The following MKRN2 variants were observed in gnomAD, a reference collection of about 807,000 sequenced individuals.
MKRN2 encodes the protein makorin ring finger protein 2.
In MKRN2, 32 loss-of-function variants were observed where a neutral mutation model predicts 45.4. The ratio of observed to expected loss-of-function variants is 0.70; its 90% confidence interval spans 0.53 to 0.95. The LOEUF is 0.95. Among genes scored for constraint, MKRN2 ranks in the 40% least tolerant of loss-of-function variants. The probability of loss-of-function intolerance (pLI) is 0.00; values close to 1 mark genes in which losing one functional copy is unlikely to be tolerated. For synonymous variants in MKRN2, 206 were observed against 192.4 expected (o/e 1.07, Z -0.59); for missense variants, 526 against 536.7 (o/e 0.98, Z 0.20).
chr3:12,578,628 G>A (rs1189214614), intron 6 of MKRN2, among the ~76,000 whole-genome samples: 1 of 151,988 alleles, frequency 6.6e-6, no homozygotes, highest in African/African-American at 2.4e-5. Context: ...TTTTAAAAAA[G>A]GTAACTTAGC....
intron 5 of MKRN2, among the ~76,000 whole-genome samples, chr3:12,576,201 G>A (rs1263176989): frequency 6.8e-6 from 1 of 147,114 alleles, no homozygotes; most frequent in Non-Finnish European, 1.5e-5. Context: ...GTGTGTGTGT[G>A]TGTGTGTGTG....
intron 3 of MKRN2, 37 bp downstream of exon 3, chr3:12,570,289 A>T (rs200183583): frequency 6.3e-7 from 1 of 1,587,980 alleles, no homozygotes; most frequent in Non-Finnish European, 8.6e-7. Context: ...GTCTTTTTGC[A>T]TAGCACTCTT....
intron 6 of MKRN2, among the ~76,000 whole-genome samples, chr3:12,581,358 C>CA (rs2058177226): frequency 6.6e-6 from 1 of 152,168 alleles, no homozygotes. Context: ...GCCACCTTGA[C>CA]AGCACTGCGG....
chr3:12,582,717 GA>G lies in MKRN2; in HGVS notation c.*465del, dbSNP rs1198360728. ...GTATTTAGTGTGTCGTCAAAATTTT[GA>G]TTTATACAGAGCTTTCAAGAACACA... On this transcript the variant is annotated 3_prime_UTR_variant, in exon 8 of 8. Coordinates refer to ENST00000170447, the MANE Select transcript of MKRN2 (RefSeq NM_014160.5). 1 of 157,822 alleles carries G rather than the reference GA, an allele frequency of 6.3e-6. No individual in the cohort carries two copies. The highest frequency in any genetic ancestry group is 1.4e-5 in the Non-Finnish European group (1 of 71,048). The allele number at this position is 157,822 out of a possible 1,614,324, so 9.8% of individuals were successfully genotyped here. A position where few individuals can be genotyped will look rare whatever the true frequency, so the allele number is the denominator to read the frequency against.
chr3:12,558,922 G>C (rs2058009844), intron 1 of MKRN2, among the ~76,000 whole-genome samples: 1 of 152,224 alleles, frequency 6.6e-6, no homozygotes, highest in Non-Finnish European at 1.5e-5. Flanking sequence ...TCGTAAAACT[G>C]AGCCTCAGCA....
rs372538092 is a variant in MKRN2, at chr3:12,572,134, G to A, written c.403G>A (p.Asp135Asn). ...SMVSNPGSCSDPQPSPEMKPH... is the reference protein window; with the variant it reads ...SMVSNPGSCSNPQPSPEMKPH... ...GGTGAGTAATCCAGGCAGCTGCAGC[G>A]ACCCCCAGCCCAGCCCCGAGATGAA... The change falls in exon 4 of 8, where the codon GAC (aspartate) becomes AAC (asparagine). Residue 135 changes from aspartate to asparagine, a missense_variant. Transcript: ENST00000170447. 1.1e-5 allele frequency: 17 copies of A among 1,613,984 alleles called. No individual in the cohort carries two copies. The highest frequency in any genetic ancestry group is 8.8e-5 in the South Asian group (8 of 91,064).
intron 1 of MKRN2, among the ~76,000 whole-genome samples, chr3:12,558,707 A>T (rs2058007028): frequency 6.6e-6 from 1 of 152,206 alleles, no homozygotes; most frequent in Non-Finnish European, 1.5e-5. Flanking sequence ...ATACCTGGAG[A>T]TAGCTTGACT....
chr3:12,557,603 G>A (rs1344738437), intron 1 of MKRN2, among the ~76,000 whole-genome samples: 2 of 152,242 alleles, frequency 1.3e-5, no homozygotes, highest in Non-Finnish European at 1.5e-5. Flanking sequence ...GATTATGAGG[G>A]CCTCAAAGTT....
rs146072040 is a variant in MKRN2 at position 12,574,194 on chromosome 3, C to T, written c.643-598C>T. ...TTTATGCAAGTGTGTGAGGTCTCTG[C>T]GGTGAGTGTTGGCTTGTCTCAGATC... On this transcript the variant is annotated intron_variant, in intron 4 of 7. Coordinates refer to ENST00000170447, the MANE Select transcript of MKRN2 (RefSeq NM_014160.5). Among the ~76,000 whole-genome samples, 536 of 152,308 alleles carry T rather than the reference C, an allele frequency of 3.5e-3. 2 individuals are homozygous for T. Among genetic ancestry groups the T allele is most frequent in the African/African-American group, 0.012 (491 of 41,560 alleles).
chr3:12,579,667 G>A (rs955699508), intron 6 of MKRN2, among the ~76,000 whole-genome samples: 3 of 152,198 alleles, frequency 2.0e-5, no homozygotes, highest in Non-Finnish European at 4.4e-5. Context: ...AAGGACATGG[G>A]CACAGAAGGG....
Position 12,581,897 on chromosome 3 carries a change from G to A in MKRN2, c.1058G>A (p.Arg353Gln), listed in dbSNP as rs767047906. 1.7e-5 allele frequency: 27 copies of A among 1,614,048 alleles called. No homozygotes were observed. The highest frequency in any genetic ancestry group is 6.7e-5 in the African/African-American group (5 of 74,922). ...TATCGCCATGCTTACCCCGATGGGC[G>A]GCTAGCAGAGCCTGAGAAACCTCGG... is the stretch of plus-strand genomic sequence containing the variant. ...CLYRHAYPDG[R>Q]LAEPEKPRKQ... Residue 353 changes from arginine to glutamine, a missense_variant, in exon 7 of 8, where the codon CGG becomes CAG. Transcript: ENST00000170447.
chr3:12,569,195 A>G (rs1209575980), intron 2 of MKRN2, among the ~76,000 whole-genome samples, 192 bp downstream of exon 2: 3 of 151,578 alleles, frequency 2.0e-5, no homozygotes, highest in Admixed American at 6.6e-5. Flanking sequence ...AGAGTCTCTC[A>G]CTGTTGCCCA....
chr3:12,566,569 T>A (rs2058069903), intron 1 of MKRN2, among the ~76,000 whole-genome samples: 2 of 152,168 alleles, frequency 1.3e-5, no homozygotes, highest in East Asian at 1.9e-4. Flanking sequence ...TTTCAGACAT[T>A]GTATTTTTCA....
chr3:12,582,048 G>C, intron 7 of MKRN2, 68 bp from the exon 8 acceptor site: 1 of 1,609,648 alleles, frequency 6.2e-7, no homozygotes, highest in Non-Finnish European at 8.5e-7. Context: ...GCAAAAGAAC[G>C]ATCAAGGAAC....
At chr3:12,564,586 C>T (rs1009096404) in intron 1 of MKRN2, among the ~76,000 whole-genome samples, 13 of 152,220 alleles carry the variant, frequency 8.5e-5, no homozygotes, top group Admixed American at 8.5e-4. Flanking sequence ...AGCATTGTCC[C>T]TTCCCTTTTT....
intron 1 of MKRN2, 83 bp downstream of exon 1, chr3:12,557,259 A>G (rs1482673606): frequency 6.7e-7 from 1 of 1,490,042 alleles, no homozygotes; most frequent in East Asian, 2.7e-5. Context: ...TGGTCCGGGA[A>G]CCTGAGGCTA....
chr3:12,572,583 T>A (rs2058106263), intron 4 of MKRN2, among the ~76,000 whole-genome samples: 1 of 149,270 alleles, frequency 6.7e-6, no homozygotes, highest in South Asian at 2.1e-4. Flanking sequence ...TTTCCTGCAG[T>A]CATTTTGCCA....
intron 6 of MKRN2, among the ~76,000 whole-genome samples, chr3:12,580,557 A>G (rs1233822276): frequency 1.3e-5 from 2 of 151,726 alleles, no homozygotes; most frequent in African/African-American, 4.8e-5. Context: ...GGTTCAAGCA[A>G]TTCTCCTGCC....
intron 5 of MKRN2, among the ~76,000 whole-genome samples, chr3:12,575,626 G>C (rs2058129581): frequency 1.3e-5 from 2 of 152,158 alleles, no homozygotes; most frequent in Non-Finnish European, 2.9e-5. Flanking sequence ...CAGGCCTGGG[G>C]TGCGGGGGTC....
Sources: gnomAD v4.1 joint callset for allele counts (sites outside exome capture counted in the v4.1 genomes callset) on GRCh38, gnomAD v4.1.1 for gene constraint, MANE v1.5 for transcripts, NCBI Gene and HGNC (gene_info 2026-07-23, HGNC 2026-07-21) for gene names.